The following PRKD3 variants were observed in gnomAD, a reference collection of about 807,000 sequenced individuals.
PRKD3 encodes the protein protein kinase D3, also known as serine/threonine-protein kinase D3.
PRKD3 carries 47 observed loss-of-function variants against 99.2 expected under a neutral mutation model. That is an observed-to-expected ratio of 0.47 (90% CI 0.38 to 0.60). The LOEUF is 0.60. Among genes scored for constraint, PRKD3 ranks in the 20% least tolerant of loss-of-function variants. PRKD3 has a pLI of 0.00. For missense variants in PRKD3, 1,019 were observed against 1,088.4 expected (o/e 0.94, Z 0.90); for synonymous variants, 392 against 355.4 (o/e 1.10, Z -1.16).
chr2:37,282,315 C>T (rs546200576), intron 7 of PRKD3: 11 of 509,692 alleles, frequency 2.2e-5, no homozygotes, highest in Non-Finnish European at 3.5e-5. Context: ...GTACCACTGG[C>T]TATATTAGAC....
intron 2 of PRKD3, among the ~76,000 whole-genome samples, chr2:37,314,448 A>G (rs994167845): frequency 1.3e-5 from 2 of 152,170 alleles, no homozygotes; most frequent in Admixed American, 6.5e-5. Context: ...AATTTCACCC[A>G]CTGACCCACT....
At chr2:37,286,090 A>T in intron 6 of PRKD3, 87 bp downstream of exon 6, 1 of 1,110,684 alleles carries the variant, frequency 9.0e-7, no homozygotes, top group Non-Finnish European at 1.3e-6. Context: ...TTCTTTGGCT[A>T]ATGCTTCTGA....
intron 11 of PRKD3, among the ~76,000 whole-genome samples, chr2:37,274,167 C>G (rs1669442594): frequency 6.6e-6 from 1 of 152,262 alleles, no homozygotes; most frequent in Non-Finnish European, 1.5e-5. Flanking sequence ...GATCATATAA[C>G]AGATGGTATA....
rs561431093 is a variant in PRKD3 at position 37,316,583 on chromosome 2, G to T, written c.-59C>A. On this transcript the variant is annotated 5_prime_UTR_variant, in exon 2 of 19. Transcript: ENST00000234179. ...ATTCTTTTTCAATGGTTATGAAGAGGTTTTTAAAATAACAGCAGTAAAGAA... is the reference window on the plus strand; with the variant it reads ...ATTCTTTTTCAATGGTTATGAAGAGTTTTTTAAAATAACAGCAGTAAAGAA... 2.9e-5 allele frequency: 44 copies of T among 1,542,430 alleles called. No homozygotes were observed. The African/African-American group carries it at 3.2e-4, about 11-fold the overall frequency.
intron 11 of PRKD3, among the ~76,000 whole-genome samples, chr2:37,272,917 T>C (rs1669843140): frequency 6.6e-6 from 1 of 150,498 alleles, no homozygotes; most frequent in South Asian, 2.1e-4. Flanking sequence ...GAGTTTGAGG[T>C]TGCAGCAAGT....
At chr2:37,300,050 T>A (rs192640336) in intron 2 of PRKD3, among the ~76,000 whole-genome samples, 1 of 152,118 alleles carries the variant, frequency 6.6e-6, no homozygotes, top group Non-Finnish European at 1.5e-5. Context: ...AACCAAGATA[T>A]CAAAAAGATA....
intron 14 of PRKD3, among the ~76,000 whole-genome samples, chr2:37,263,812 A>G (rs1457682557): frequency 6.6e-6 from 1 of 152,160 alleles, no homozygotes; most frequent in African/African-American, 2.4e-5. Flanking sequence ...GGAAATCTAC[A>G]TGATTTTATA....
In PRKD3 at chr2:37,286,048, TCTTTC is replaced by T. The variant is rs1165255925; in HGVS notation, c.910+124_910+128del. 127 of 855,946 alleles carry T rather than the reference TCTTTC, an allele frequency of 1.5e-4. 1 individual carries two copies. The East Asian group carries it at 3.4e-3, about 23-fold the overall frequency. 53.0% of individuals were successfully genotyped at this position (855,946 alleles called of 1,614,324 possible). ...CACATTTATATTTTGTTTATATTTC[TCTTTC>T]CTTTATATAACAATTATGAGAATAA... On this transcript the variant is annotated intron_variant, in intron 6 of 18. Transcript: ENST00000234179.
chr2:37,254,817 T>C (rs2300894), intron 17 of PRKD3, among the ~76,000 whole-genome samples: 17,832 of 152,200 alleles, frequency 0.12, 1,456 homozygotes, highest in East Asian at 0.34. Context: ...TATGGTCACA[T>C]TGAGGTGGTA....
chr2:37,257,063 AAG>A (rs1668012060), intron 16 of PRKD3, 134 bp from the exon 17 acceptor site: 1 of 1,010,946 alleles, frequency 9.9e-7, no homozygotes, highest in South Asian at 1.6e-5. Flanking sequence ...AATCACAGAT[AAG>A]GAAATTGTAA....
chr2:37,273,323 C>T, intron 11 of PRKD3, among the ~76,000 whole-genome samples: 1 of 152,118 alleles, frequency 6.6e-6, no homozygotes, highest in East Asian at 1.9e-4. Flanking sequence ...AAACATCCAT[C>T]TACTTACACC....
At chr2:37,312,366 G>A (rs1288841531) in intron 2 of PRKD3, among the ~76,000 whole-genome samples, 1 of 152,152 alleles carries the variant, frequency 6.6e-6, no homozygotes, top group Non-Finnish European at 1.5e-5. Flanking sequence ...CCAATAGTAG[G>A]CTGGGAGTGA....
rs1450609378 is a variant in PRKD3, at chr2:37,252,863, A to G, written c.*314T>C. 1 of 149,308 alleles carries G rather than the reference A, an allele frequency of 6.7e-6. No individual in the cohort carries two copies. Among genetic ancestry groups the G allele is most frequent in the Non-Finnish European group, 1.5e-5 (1 of 67,696 alleles). 9.2% of individuals were successfully genotyped at this position (149,308 alleles called of 1,614,324 possible). ...TATTTATATTTATATATATATATAT[A>G]AAGAGAAATGGGAAGACAAATTAAG... On this transcript the variant is annotated 3_prime_UTR_variant, in exon 19 of 19. Coordinates refer to ENST00000234179, the MANE Select transcript of PRKD3 (RefSeq NM_005813.6).
At chr2:37,274,207 C>G (rs1326177500) in intron 11 of PRKD3, among the ~76,000 whole-genome samples, 1 of 152,148 alleles carries the variant, frequency 6.6e-6, no homozygotes, top group Non-Finnish European at 1.5e-5. Context: ...AAAACTGACT[C>G]TGGAGCCTAG....
At chr2:37,268,309 G>A (rs1668980879) in intron 13 of PRKD3, 1 of 471,036 alleles carries the variant, frequency 2.1e-6, no homozygotes, top group Non-Finnish European at 4.4e-6. Context: ...ACCTCGGACA[G>A]TTCTTTGTTC....
At chr2:37,266,983 A>C (rs1411512077) in intron 14 of PRKD3, among the ~76,000 whole-genome samples, 1 of 152,238 alleles carries the variant, frequency 6.6e-6, no homozygotes, top group African/African-American at 2.4e-5. Context: ...ATGGAATTGA[A>C]ATCATTGCCA....
chr2:37,267,816 T>C (rs1668946792), intron 13 of PRKD3: 2 of 338,836 alleles, frequency 5.9e-6, no homozygotes, highest in Middle Eastern at 8.8e-4. Flanking sequence ...AAATCAATGA[T>C]AGTTAATTAC....
chr2:37,270,014 GGTT>G (rs1386566303), intron 12 of PRKD3, among the ~76,000 whole-genome samples: 1 of 152,138 alleles, frequency 6.6e-6, no homozygotes, highest in Non-Finnish European at 1.5e-5. Context: ...GATCACCTGA[GGTT>G]GTGTGTTCCA....
rs1342928919 is a variant in PRKD3 at position 37,316,420 on chromosome 2, T to A, written c.105A>T (p.Gly35=). ...TTCCATTAGAGAGTCGGGCAGAGAGTCCCGTCTTAGGACTTGAACACGGAG... is the reference window on the plus strand; with the variant it reads ...TTCCATTAGAGAGTCGGGCAGAGAGACCCGTCTTAGGACTTGAACACGGAG... ...AASPCSSPKT[G]LSARLSNGSF... The change falls in exon 2 of 19, where the codon GGA becomes GGT. Residue 35 remains glycine, a synonymous_variant. Coordinates refer to ENST00000234179, the MANE Select transcript of PRKD3 (RefSeq NM_005813.6). The A allele has an allele frequency of 1.2e-6, 2 of 1,613,882 alleles. No homozygotes were observed. Among genetic ancestry groups the A allele is most frequent in the African/African-American group, 1.3e-5 (1 of 74,852 alleles).
Sources: gnomAD v4.1 joint callset for allele counts (sites outside exome capture counted in the v4.1 genomes callset) on GRCh38, gnomAD v4.1.1 for gene constraint, MANE v1.5 for transcripts, NCBI Gene and HGNC (gene_info 2026-07-23, HGNC 2026-07-21) for gene names.